Variants in SLC9A9 observed in about 807,000 individuals in gnomAD.
SLC9A9 encodes solute carrier family 9 member A9.
In SLC9A9, 62 loss-of-function variants were observed where a neutral mutation model predicts 77.8. That is an observed-to-expected ratio of 0.80 (90% confidence interval 0.65 to 0.98). The LOEUF is 0.98. Ranked by LOEUF, SLC9A9 falls within the 50% of genes least tolerant of loss-of-function variation. The pLI, the probability that SLC9A9 is intolerant of heterozygous loss-of-function variation, is 0.00. For missense variants in SLC9A9, 775 were observed against 774.9 expected (o/e 1.00, Z 0.00); for synonymous variants, 320 against 283.5 (o/e 1.13, Z -1.29).
intron 6 of SLC9A9, among the ~76,000 whole-genome samples, chr3:143,606,306 G>A (rs4839647): frequency 0.14 from 20,585 of 151,492 alleles, 1,569 homozygotes; most frequent in Non-Finnish European, 0.18. Flanking sequence ...TCAGGAGGCT[G>A]AGGCAGGAGA....
chr3:143,371,700 G>T (rs140857248), intron 13 of SLC9A9, among the ~76,000 whole-genome samples: 2,415 of 152,162 alleles, frequency 0.016, 40 homozygotes, highest in Non-Finnish European at 0.025. Flanking sequence ...TGTATTAAAA[G>T]AACAAAATGG....
chr3:143,751,825 G>A (rs2006730320), intron 4 of SLC9A9, among the ~76,000 whole-genome samples: 1 of 152,226 alleles, frequency 6.6e-6, no homozygotes, highest in East Asian at 1.9e-4. Flanking sequence ...GGGGTACAGG[G>A]AGAAGCAGAC....
At chr3:143,371,417 A>G (rs1382883061) in intron 13 of SLC9A9, among the ~76,000 whole-genome samples, 2 of 152,218 alleles carry the variant, frequency 1.3e-5, no homozygotes, top group African/African-American at 2.4e-5. Flanking sequence ...GCTTGACTGA[A>G]TAAAATTCAG....
At chr3:143,540,418 T>A (rs1004081603) in intron 9 of SLC9A9, among the ~76,000 whole-genome samples, 12 of 152,084 alleles carry the variant, frequency 7.9e-5, no homozygotes, top group Non-Finnish European at 8.8e-5. Flanking sequence ...AGGGTTGTAG[T>A]AAAGCAGGGA....
chr3:143,698,415 T>C (rs766876571), intron 4 of SLC9A9, among the ~76,000 whole-genome samples: 8 of 152,036 alleles, frequency 5.3e-5, no homozygotes, highest in Non-Finnish European at 1.2e-4. Flanking sequence ...TCTCAAAGAG[T>C]AGGGACTCAC....
chr3:143,685,390 C>A (rs556490387), intron 5 of SLC9A9, among the ~76,000 whole-genome samples: 1 of 152,074 alleles, frequency 6.6e-6, no homozygotes, highest in African/African-American at 2.4e-5. Context: ...CTAGAATGTG[C>A]CCTATCTAAT....
chr3:143,285,289 T>A (rs1938352240), intron 14 of SLC9A9, among the ~76,000 whole-genome samples: 1 of 152,196 alleles, frequency 6.6e-6, no homozygotes, highest in Admixed American at 6.5e-5. Context: ...TGTGTCCATG[T>A]GTTCTCATTA....
chr3:143,623,176 C>T (rs926476264), intron 6 of SLC9A9, among the ~76,000 whole-genome samples: 6 of 152,188 alleles, frequency 3.9e-5, no homozygotes, highest in East Asian at 1.9e-4. Flanking sequence ...GAGACTTTAA[C>T]ACCCCACTGT....
At chr3:143,458,537 A>G (rs1311400636) in intron 12 of SLC9A9, among the ~76,000 whole-genome samples, 1 of 151,820 alleles carries the variant, frequency 6.6e-6, no homozygotes, top group African/African-American at 2.4e-5. Flanking sequence ...AGTTATTTGA[A>G]TTGATTTGTT....
At chr3:143,727,785 A>T (rs747806559) in intron 4 of SLC9A9, among the ~76,000 whole-genome samples, 1 of 152,258 alleles carries the variant, frequency 6.6e-6, no homozygotes, top group African/African-American at 2.4e-5. Context: ...TGACCCATCT[A>T]TACTTGGGCT....
chr3:143,266,622 T>C lies in SLC9A9; in HGVS notation c.*80A>G. On this transcript the variant is annotated 3_prime_UTR_variant, in exon 16 of 16. Transcript: ENST00000316549. Reference sequence around the variant, plus strand: ...TTAATATGTTTTCCAGCCTCTCCCCTGTACTGCCTCATCAGCTTGGCTTGT... The same window carrying C: ...TTAATATGTTTTCCAGCCTCTCCCCCGTACTGCCTCATCAGCTTGGCTTGT... The C allele has an allele frequency of 7.0e-7, 1 of 1,420,108 alleles. No individual in the cohort carries two copies. Among genetic ancestry groups the C allele is most frequent in the African/African-American group, 1.4e-5 (1 of 71,476 alleles). The allele number at this position is 1,420,108 out of a possible 1,614,324, so 88.0% of individuals were successfully genotyped here.
chr3:143,654,907 C>A (rs2038862718), intron 5 of SLC9A9, among the ~76,000 whole-genome samples: 1 of 152,218 alleles, frequency 6.6e-6, no homozygotes, highest in Admixed American at 6.5e-5. Context: ...AATTGAATAT[C>A]CAGTTTTGTT....
At chr3:143,790,128 C>G (rs1224861204) in intron 4 of SLC9A9, among the ~76,000 whole-genome samples, 1 of 152,104 alleles carries the variant, frequency 6.6e-6, no homozygotes, top group Non-Finnish European at 1.5e-5. Context: ...TTATAAGGGG[C>G]TCTTCCCTGC....
At chr3:143,328,385 T>C (rs1238083664) in intron 14 of SLC9A9, among the ~76,000 whole-genome samples, 1 of 152,230 alleles carries the variant, frequency 6.6e-6, no homozygotes, top group East Asian at 1.9e-4. Flanking sequence ...TATTTGATGA[T>C]ATCAAAGATT....
At chr3:143,418,577 T>TCACA (rs2034240477) in intron 12 of SLC9A9, among the ~76,000 whole-genome samples, 1 of 152,120 alleles carries the variant, frequency 6.6e-6, no homozygotes, top group South Asian at 2.1e-4. Flanking sequence ...CCTGTTGGTT[T>TCACA]CTGTATTCTT....
intron 5 of SLC9A9, among the ~76,000 whole-genome samples, chr3:143,656,581 C>G (rs1363137544): frequency 6.6e-6 from 1 of 152,146 alleles, no homozygotes; most frequent in South Asian, 2.1e-4. Flanking sequence ...AAGTGTTTTA[C>G]AAGGAATTTA....
chr3:143,814,035 GTGT>G (rs1334936965), intron 2 of SLC9A9, among the ~76,000 whole-genome samples: 4 of 152,182 alleles, frequency 2.6e-5, no homozygotes, highest in Admixed American at 6.5e-5. Context: ...CACTCAACAT[GTGT>G]TTCCTTAAAA....
intron 14 of SLC9A9, among the ~76,000 whole-genome samples, chr3:143,302,100 A>G (rs999998822): frequency 1.3e-5 from 2 of 152,128 alleles, no homozygotes; most frequent in Non-Finnish European, 2.9e-5. Flanking sequence ...GCTTTAAGAC[A>G]GTGTTGTCCC....
At chr3:143,697,490 A>G (rs965125956) in intron 4 of SLC9A9, among the ~76,000 whole-genome samples, 8 of 151,670 alleles carry the variant, frequency 5.3e-5, no homozygotes, top group Non-Finnish European at 1.2e-4. Context: ...TCACAATTCT[A>G]TGAGCTATGT....
Sources: gnomAD v4.1 joint callset for allele counts (sites outside exome capture counted in the v4.1 genomes callset) on GRCh38, gnomAD v4.1.1 for gene constraint, MANE v1.5 for transcripts, NCBI Gene and HGNC (gene_info 2026-07-23, HGNC 2026-07-21) for gene names.